Variants in EFCAB5 observed in about 807,000 individuals in gnomAD.
EFCAB5 encodes the protein EF-hand calcium binding domain 5.
A neutral mutation model predicts 167.9 loss-of-function variants in EFCAB5; 131 were observed. That is an observed-to-expected ratio of 0.78 (90% CI 0.68 to 0.90). The LOEUF is 0.90. EFCAB5 is among the 40% of genes least tolerant of loss of function. The pLI, the probability that EFCAB5 is intolerant of heterozygous loss-of-function variation, is 0.00. For missense variants in EFCAB5, 1,663 were observed against 1,745.2 expected, an observed-to-expected ratio of 0.95 and a Z score of 0.84; for synonymous variants, 574 against 602.8, an observed-to-expected ratio of 0.95 and a Z score of 0.70.
intron 3 of EFCAB5, among the ~76,000 whole-genome samples, chr17:29,958,836 T>G (rs1033961749): frequency 6.6e-6 from 1 of 152,172 alleles, no homozygotes; most frequent in African/African-American, 2.4e-5. Context: ...TGCAGCCATA[T>G]CTGCATTAGA....
At chr17:29,963,984 C>T (rs2067774112) in intron 3 of EFCAB5, among the ~76,000 whole-genome samples, 1 of 151,758 alleles carries the variant, frequency 6.6e-6, no homozygotes, top group Non-Finnish European at 1.5e-5. Context: ...TATGCCAGCC[C>T]CGCCCCCACC....
At chr17:30,071,890 G>A (rs1056087810) in intron 14 of EFCAB5, among the ~76,000 whole-genome samples, 1 of 152,092 alleles carries the variant, frequency 6.6e-6, no homozygotes, top group Non-Finnish European at 1.5e-5. Flanking sequence ...AAATAAGCCA[G>A]GCACAAAAAA....
At chr17:29,950,044 A>G (rs956406844) in intron 3 of EFCAB5, among the ~76,000 whole-genome samples, 2 of 152,168 alleles carry the variant, frequency 1.3e-5, no homozygotes, top group African/African-American at 4.8e-5. Flanking sequence ...TTAAAAGGAA[A>G]GAGTACAGTT....
At chr17:29,936,998 A>G (rs544538032), upstream of EFCAB5, among the ~76,000 whole-genome samples, 23 of 152,336 alleles carry the variant, frequency 1.5e-4, no homozygotes, top group Admixed American at 3.3e-4. Context: ...GACAATAGCT[A>G]CATACCAGGT....
At chr17:30,069,774 A>C in intron 14 of EFCAB5, 3 of 664,322 alleles carry the variant, frequency 4.5e-6, no homozygotes, top group Non-Finnish European at 7.7e-6. Context: ...ATTTTAAGAG[A>C]AAGGGGTTCA....
chr17:29,983,822 A>G lies in EFCAB5; in HGVS notation c.768-9343A>G, dbSNP rs779063787. Among the ~76,000 whole-genome samples the G allele has an allele frequency of 2.6e-5, 4 of 152,340 alleles. 1 individual carries two copies. In the South Asian group the frequency reaches 8.3e-4, roughly 32 times the overall value. On this transcript the variant is annotated intron_variant, in intron 4 of 22. Transcript: ENST00000394835. The stretch of plus-strand genomic sequence containing the variant: ...TACAGTGGCCCAGAAGCACAAAAGT[A>G]GATTTTGTTTCTAGATATGGACATC...
chr17:30,069,805 A>C (rs1224069472), intron 14 of EFCAB5, among the ~76,000 whole-genome samples: 1 of 152,246 alleles, frequency 6.6e-6, no homozygotes, highest in Non-Finnish European at 1.5e-5. Flanking sequence ...CATATTCCCC[A>C]AAAAGGGATA....
At chr17:30,060,006 T>C (rs2070383071) in intron 14 of EFCAB5, 2 of 167,646 alleles carry the variant, frequency 1.2e-5, no homozygotes, top group Non-Finnish European at 1.3e-5. Context: ...ATCTTTTAAG[T>C]AGAAAATAAC....
At chr17:29,934,545 T>C (rs2067229581) in intron 1 of EFCAB5, among the ~76,000 whole-genome samples, 1 of 152,208 alleles carries the variant, frequency 6.6e-6, no homozygotes, top group African/African-American at 2.4e-5. Context: ...GATCATAAGC[T>C]GAGTTCATCA....
chr17:29,957,303 T>C (rs2151550677), intron 3 of EFCAB5, among the ~76,000 whole-genome samples: 1 of 152,314 alleles, frequency 6.6e-6, no homozygotes, highest in South Asian at 2.1e-4. Flanking sequence ...ATCCCTGGCA[T>C]GATGAGGGAT....
At chr17:30,068,731 C>T (rs1483393404) in intron 14 of EFCAB5, 2 of 1,481,250 alleles carry the variant, frequency 1.4e-6, no homozygotes, top group South Asian at 1.1e-5. Flanking sequence ...CGATGGCAGC[C>T]GGGATGAGCT....
intron 3 of EFCAB5, among the ~76,000 whole-genome samples, chr17:29,956,114 T>C (rs1488632710): frequency 1.3e-5 from 2 of 152,248 alleles, no homozygotes; most frequent in African/African-American, 4.8e-5. Context: ...GCTAGCCATA[T>C]GCAGAATATT....
chr17:30,006,690 C>T (rs560556148), intron 7 of EFCAB5, among the ~76,000 whole-genome samples: 22 of 152,296 alleles, frequency 1.4e-4, no homozygotes, highest in African/African-American at 4.8e-4. Context: ...CACTCTATCA[C>T]CCAGGCTGGG....
chr17:30,078,316 A>G lies in EFCAB5; in HGVS notation c.2839A>G (p.Arg947Gly). 3 of 1,614,038 alleles carry G rather than the reference A, an allele frequency of 1.9e-6. No homozygotes were observed. The highest frequency in any genetic ancestry group is 1.7e-6 in the Non-Finnish European group (2 of 1,179,886). ...CATAGAATTGGTTGTGTCTGAACTCAGGGGCAATGAAGACCAAGTTCTGGA... is the reference window on the plus strand; with the variant it reads ...CATAGAATTGGTTGTGTCTGAACTCGGGGGCAATGAAGACCAAGTTCTGGA... ...NYIELVVSEL[R>G]GNEDQVLESV... The change falls in exon 15 of 23, where the codon AGG (arginine) becomes GGG (glycine). Residue 947 changes from arginine (R) to glycine (G), a missense_variant. By Grantham distance (125) the Arg-to-Gly change is moderately radical. Coordinates refer to ENST00000394835, the MANE Select transcript of EFCAB5 (RefSeq NM_198529.4).
intron 4 of EFCAB5, among the ~76,000 whole-genome samples, chr17:29,977,973 A>AT (rs1191287021): frequency 6.6e-5 from 10 of 151,912 alleles, no homozygotes; most frequent in Admixed American, 1.3e-4. Context: ...TACTTTTTGT[A>AT]TTTTTTTTAA....
chr17:30,096,669 A>ATT lies in EFCAB5; in HGVS notation c.4321+3734_4321+3735insTT, dbSNP rs1567776810. Among the ~76,000 whole-genome samples the ATT allele has an allele frequency of 3.2e-4, 19 of 59,840 alleles. 1 individual carries two copies. The highest frequency in any genetic ancestry group is 1.5e-3 in the African/African-American group (18 of 11,880). 39.3% of individuals were successfully genotyped at this position (59,840 alleles called of 152,430 possible). Reference sequence around the variant, plus strand: ...CCTGAAAGCATATATATATATATATATATATATATTTTTTTTTTTTTTTTT... The same window carrying ATT: ...CCTGAAAGCATATATATATATATATATTTATATATATTTTTTTTTTTTTTTTT... On this transcript the variant is annotated intron_variant, in intron 22 of 22. Transcript: ENST00000394835.
At chr17:29,959,082 CTG>C (rs1468631580) in intron 3 of EFCAB5, among the ~76,000 whole-genome samples, 1 of 152,208 alleles carries the variant, frequency 6.6e-6, no homozygotes, top group African/African-American at 2.4e-5. Context: ...ATCACTGGGA[CTG>C]TGCCAGGTCC....
intron 4 of EFCAB5, among the ~76,000 whole-genome samples, chr17:29,984,749 T>C (rs1015874269): frequency 6.6e-6 from 1 of 152,064 alleles, no homozygotes; most frequent in Non-Finnish European, 1.5e-5. Context: ...AAAAATAAAA[T>C]ACTTATTAAT....
At chr17:30,104,551 C>CAA (rs5819879) in intron 22 of EFCAB5, among the ~76,000 whole-genome samples, 2 of 145,884 alleles carry the variant, frequency 1.4e-5, no homozygotes, top group Non-Finnish European at 3.0e-5. Context: ...CAAAGCAAAG[C>CAA]AAAAAAAAAA....
Sources: allele counts gnomAD v4.1 joint callset (sites outside exome capture counted in the v4.1 genomes callset), GRCh38; gene constraint gnomAD v4.1.1; transcripts MANE v1.5; gene names NCBI Gene and HGNC (gene_info 2026-07-23, HGNC 2026-07-21).